NDUFA9: variants seen among roughly 807,000 people sequenced by gnomAD.
NDUFA9 encodes NADH:ubiquinone oxidoreductase subunit A9.
A neutral mutation model predicts 45.9 loss-of-function variants in NDUFA9; 23 were observed. The ratio of observed to expected loss-of-function variants is 0.50; its 90% CI spans 0.36 to 0.71. The LOEUF (loss-of-function observed/expected upper bound fraction) is 0.71. Among genes scored for constraint, NDUFA9 ranks in the 30% least tolerant of loss-of-function variants. The probability of loss-of-function intolerance (pLI) is 0.00; values close to 1 mark genes in which losing one functional copy is unlikely to be tolerated. For synonymous variants in NDUFA9, 176 were observed against 170.5 expected (o/e 1.03, Z -0.25); for missense variants, 466 against 488.2 (o/e 0.95, Z 0.43).
intron 6 of NDUFA9, among the ~76,000 whole-genome samples, chr12:4,663,621 A>G (rs1034167368): frequency 3.3e-5 from 5 of 152,190 alleles, no homozygotes; most frequent in African/African-American, 1.2e-4. Context: ...CAGGAACCAA[A>G]CTGGCTGGCA....
intron 5 of NDUFA9, among the ~76,000 whole-genome samples, chr12:4,661,875 G>T (rs114204798): frequency 0.023 from 3,461 of 152,114 alleles, 141 homozygotes; most frequent in African/African-American, 0.079. Flanking sequence ...GTGTAACCAA[G>T]TTAAGAGTGG....
At chr12:4,657,285 C>T (rs1990311) in intron 3 of NDUFA9, 34,988 of 152,718 alleles carry the variant, frequency 0.23, 4,368 homozygotes, top group Middle Eastern at 0.39. Context: ...CATGAATGGC[C>T]CCAACTAACA....
At chr12:4,653,564 A>G (rs1019468454) in intron 1 of NDUFA9, 4 of 437,994 alleles carry the variant, frequency 9.1e-6, no homozygotes, top group African/African-American at 4.1e-5. Flanking sequence ...TGAAAAAGAA[A>G]TGGTGGAATG....
At chr12:4,668,730 A>G (rs1229915193) in intron 7 of NDUFA9, 2 of 575,254 alleles carry the variant, frequency 3.5e-6, no homozygotes, top group Admixed American at 5.9e-5. Flanking sequence ...TTGAACTCAT[A>G]ATGTGCTAGA....
chr12:4,684,381 A>T lies in NDUFA9; in HGVS notation c.897-878A>T, dbSNP rs116501440. ...TAAAAGAGCTGGTCTGGTTGCAGTG[A>T]TGGGTGATACTCAACGCATGTACTC... On this transcript the variant is annotated intron_variant, in intron 9 of 10. Transcript: ENST00000266544. Among the ~76,000 whole-genome samples, 375 of 152,236 alleles carry T rather than the reference A, an allele frequency of 2.5e-3. 1 individual carries two copies. The highest frequency in any genetic ancestry group is 8.8e-3 in the African/African-American group (364 of 41,558).
intron 1 of NDUFA9, 76 bp from the exon 2 acceptor site, chr12:4,654,216 A>C: frequency 7.2e-7 from 1 of 1,387,020 alleles, no homozygotes; most frequent in Non-Finnish European, 9.9e-7. Flanking sequence ...GTTTTTAGAG[A>C]AAGGAGCTAT....
At chr12:4,675,710 C>T (rs1336949606) in intron 8 of NDUFA9, among the ~76,000 whole-genome samples, 4 of 152,206 alleles carry the variant, frequency 2.6e-5, no homozygotes, top group Admixed American at 1.3e-4. Flanking sequence ...GATGGATTCA[C>T]AGCTGAATTA....
chr12:4,683,110 G>A (rs575976531), intron 9 of NDUFA9, among the ~76,000 whole-genome samples: 9 of 151,880 alleles, frequency 5.9e-5, no homozygotes, highest in African/African-American at 1.9e-4. Context: ...GGAGGCTGAG[G>A]TGGGAGGATC....
At chr12:4,685,082 G>A (rs1232862916) in intron 9 of NDUFA9, 177 bp from the exon 10 acceptor site, 3 of 706,928 alleles carry the variant, frequency 4.2e-6, no homozygotes, top group Admixed American at 2.0e-5. Flanking sequence ...TGGCTTGAGA[G>A]GAGATGGACC....
chr12:4,664,212 A>G (rs184398545), intron 6 of NDUFA9, among the ~76,000 whole-genome samples: 1 of 152,378 alleles, frequency 6.6e-6, no homozygotes, highest in Admixed American at 6.5e-5. Context: ...TGTTTTGAAG[A>G]GAACACTAAG....
chr12:4,673,193 A>G (rs1945898225), intron 8 of NDUFA9, among the ~76,000 whole-genome samples: 1 of 152,222 alleles, frequency 6.6e-6, no homozygotes, highest in African/African-American at 2.4e-5. Flanking sequence ...AAGGACGTCC[A>G]CTCAGAGACC....
At chr12:4,681,419 A>G (rs1414351711) in intron 8 of NDUFA9, among the ~76,000 whole-genome samples, 1 of 151,674 alleles carries the variant, frequency 6.6e-6, no homozygotes, top group Non-Finnish European at 1.5e-5. Context: ...AGATAGATGT[A>G]TAAATGACCA....
At chr12:4,665,838 C>T (rs1945850361) in intron 6 of NDUFA9, among the ~76,000 whole-genome samples, 1 of 149,752 alleles carries the variant, frequency 6.7e-6, no homozygotes, top group Admixed American at 6.7e-5. Context: ...GAGATTGGGT[C>T]TTGCTCTGTC....
chr12:4,677,139 CA>C (rs879267978), intron 8 of NDUFA9, among the ~76,000 whole-genome samples: 10 of 152,176 alleles, frequency 6.6e-5, no homozygotes, highest in Admixed American at 6.5e-4. Flanking sequence ...ACACCTGATA[CA>C]AAAATTAACT....
chr12:4,653,669 T>A (rs1281490841), intron 1 of NDUFA9: 1 of 443,224 alleles, frequency 2.3e-6, no homozygotes, highest in Non-Finnish European at 4.5e-6. Context: ...TGTTCTTCAG[T>A]GGTTTTATAG....
At chr12:4,658,228 G>C (rs1312133791) in intron 4 of NDUFA9, among the ~76,000 whole-genome samples, 1 of 152,122 alleles carries the variant, frequency 6.6e-6, no homozygotes, top group Non-Finnish European at 1.5e-5. Context: ...GTTAATTGGA[G>C]GTGGCGTGAG....
At chr12:4,678,184 A>G (rs186676904) in intron 8 of NDUFA9, among the ~76,000 whole-genome samples, 2 of 152,248 alleles carry the variant, frequency 1.3e-5, no homozygotes, top group Admixed American at 1.3e-4. Flanking sequence ...CCTAATGTAG[A>G]TGGCAGGTTG....
At position 4,685,418 on chromosome 12, in the gene NDUFA9, CTGTT is replaced by C. The variant is rs2137488925; in HGVS notation, c.963+96_963+99del. 5.9e-6 allele frequency: 7 copies of C among 1,187,304 alleles called. No homozygotes were observed. The South Asian group carries it at 8.4e-5, about 14-fold the overall frequency. 73.5% of individuals were successfully genotyped at this position (1,187,304 alleles called of 1,614,324 possible). A position where few individuals can be genotyped will look rare whatever the true frequency, so the allele number is the denominator to read the frequency against. ...TGCTTGCTTGTTTCCCGGCCCTTGT[CTGTT>C]TGCTGTTCTTGCTGTCTGCAGTCAG... is the stretch of plus-strand genomic sequence containing the variant. On this transcript the variant is annotated intron_variant, in intron 10 of 10. Coordinates refer to ENST00000266544, the MANE Select transcript of NDUFA9 (RefSeq NM_005002.5).
At chr12:4,682,846 T>G (rs1237352531) in intron 9 of NDUFA9, among the ~76,000 whole-genome samples, 1 of 152,160 alleles carries the variant, frequency 6.6e-6, no homozygotes, top group Non-Finnish European at 1.5e-5. Context: ...GAGGGCAGAT[T>G]GCTTGAGCCC....
Sources: allele counts gnomAD v4.1 joint callset (sites outside exome capture counted in the v4.1 genomes callset), GRCh38; gene constraint gnomAD v4.1.1; transcripts MANE v1.5; gene names NCBI Gene and HGNC (gene_info 2026-07-23, HGNC 2026-07-21).